KLHL13: variants seen among roughly 807,000 people sequenced by gnomAD.
The protein encoded by KLHL13 is kelch like family member 13, also known as kelch-like protein 13.
KLHL13 carries 10 observed loss-of-function variants against 37.1 expected under a neutral mutation model. That is an observed-to-expected ratio of 0.27 (90% CI 0.17 to 0.46). KLHL13 has a LOEUF of 0.46. Among genes scored for constraint, KLHL13 ranks in the 20% least tolerant of loss-of-function variants. The pLI is 1.00. For missense variants in KLHL13, 360 were observed against 509.3 expected, an observed-to-expected ratio of 0.71 and a Z score of 2.82; for synonymous variants, 163 against 181.2, an observed-to-expected ratio of 0.90 and a Z score of 0.81.
chrX:118,112,004 T>C (rs753223292), intron 1 of KLHL13, among the ~76,000 whole-genome samples: 1 of 112,093 alleles, frequency 8.9e-6, no homozygotes, highest in Non-Finnish European at 1.9e-5. Context: ...TTTTTACATA[T>C]GAGATAACTG....
chrX:118,108,952 G>A (rs1443217500), intron 1 of KLHL13, among the ~76,000 whole-genome samples: 6 of 111,474 alleles, frequency 5.4e-5, no homozygotes, highest in Non-Finnish European at 7.5e-5. Context: ...GACTATAGGC[G>A]TGTGCCTCCA....
At chrX:117,954,525 A>C (rs1933805262) in intron 1 of KLHL13, among the ~76,000 whole-genome samples, 1 of 112,550 alleles carries the variant, frequency 8.9e-6, no homozygotes, top group Admixed American at 9.5e-5. Context: ...TTTCTAATGA[A>C]GTAATTTAAA....
chrX:118,065,645 G>A (rs1013668677), intron 1 of KLHL13, among the ~76,000 whole-genome samples: 8 of 111,607 alleles, frequency 7.2e-5, no homozygotes, highest in African/African-American at 2.6e-4. Flanking sequence ...CAGAGCCAAC[G>A]TAGCCTGGAA....
At chrX:118,004,245 T>C (rs1305208029) in intron 1 of KLHL13, among the ~76,000 whole-genome samples, 1 of 111,998 alleles carries the variant, frequency 8.9e-6, no homozygotes, top group Non-Finnish European at 1.9e-5. Flanking sequence ...TATAAACATA[T>C]ATGTATAAAT....
intron 1 of KLHL13, among the ~76,000 whole-genome samples, chrX:118,114,110 A>G (rs911569414): frequency 8.9e-6 from 1 of 112,572 alleles, no homozygotes; most frequent in African/African-American, 3.2e-5. Context: ...CATCGGTTTC[A>G]ATCAGTGGAT....
At chrX:118,014,499 C>A (rs1247890190) in intron 1 of KLHL13, among the ~76,000 whole-genome samples, 1 of 112,027 alleles carries the variant, frequency 8.9e-6, no homozygotes, top group Non-Finnish European at 1.9e-5. Context: ...CACAGACCCT[C>A]ATCAGTATTC....
chrX:118,103,869 C>A (rs1412673141), intron 1 of KLHL13, among the ~76,000 whole-genome samples: 1 of 108,667 alleles, frequency 9.2e-6, no homozygotes. Context: ...TTTTTTAATT[C>A]CAGTTATTTC....
chrX:117,977,225 C>T (rs2053606300), upstream of KLHL13, among the ~76,000 whole-genome samples: 1 of 111,706 alleles, frequency 9.0e-6, no homozygotes, highest in Admixed American at 9.6e-5. Context: ...GAGAAAAACA[C>T]CATAAAAGAA....
intron 1 of KLHL13, among the ~76,000 whole-genome samples, chrX:118,053,346 T>G (rs1013843571): frequency 1.8e-5 from 2 of 111,601 alleles, no homozygotes; most frequent in African/African-American, 6.5e-5. Context: ...TGTAGGAACA[T>G]GGATGAAACT....
chrX:117,957,882 CA>C (rs1330958226), intron 1 of KLHL13, among the ~76,000 whole-genome samples: 14 of 111,424 alleles, frequency 1.3e-4, no homozygotes, highest in Non-Finnish European at 1.1e-4. Flanking sequence ...AAAAATAAGT[CA>C]AATAACTCTT....
At chrX:117,970,877 G>C (rs1198988263) in intron 1 of KLHL13, among the ~76,000 whole-genome samples, 1 of 111,495 alleles carries the variant, frequency 9.0e-6, no homozygotes, top group Non-Finnish European at 1.9e-5. Context: ...TGTCAAAATA[G>C]TCTGTTACAA....
intron 1 of KLHL13, chrX:117,985,466 C>A: frequency 4.5e-5 from 23 of 508,311 alleles, no homozygotes; most frequent in Non-Finnish European, 5.9e-5. Context: ...AAAAAAAAAC[C>A]TATGTACTGC....
At chrX:117,933,069 A>AT (rs113938136) in intron 2 of KLHL13, among the ~76,000 whole-genome samples, 2,899 of 102,948 alleles carry the variant, frequency 0.028, 94 homozygotes, top group African/African-American at 0.085. Context: ...TGGATAATTT[A>AT]TTTTTTTTTT....
intron 1 of KLHL13, among the ~76,000 whole-genome samples, chrX:118,097,951 C>G (rs184997885): frequency 4.5e-5 from 5 of 111,215 alleles, no homozygotes; most frequent in South Asian, 7.5e-4. Context: ...AAGACTTAAA[C>G]GTTAGACCTA....
intron 1 of KLHL13, among the ~76,000 whole-genome samples, chrX:118,010,763 C>T (rs1271792278): frequency 9.1e-6 from 1 of 110,269 alleles, no homozygotes; most frequent in African/African-American, 3.3e-5. Context: ...AGAGTCAATG[C>T]TAGGGGAGCC....
chrX:117,910,597 C>A (rs1930919083), intron 4 of KLHL13, among the ~76,000 whole-genome samples: 1 of 111,699 alleles, frequency 9.0e-6, no homozygotes, highest in African/African-American at 3.3e-5. Flanking sequence ...CGTAAATAGG[C>A]ATCACTCATT....
At chrX:117,982,295 T>G (rs760924118) in intron 1 of KLHL13, among the ~76,000 whole-genome samples, 1 of 111,510 alleles carries the variant, frequency 9.0e-6, no homozygotes, top group Non-Finnish European at 1.9e-5. Context: ...TATTAAAATA[T>G]CAAAACTCAC....
At chrX:117,942,652 C>T (rs757246924) in intron 2 of KLHL13, among the ~76,000 whole-genome samples, 11 of 110,563 alleles carry the variant, frequency 9.9e-5, no homozygotes, top group Non-Finnish European at 1.7e-4. Flanking sequence ...GATTGCAACC[C>T]CTGCTTGTTT....
intron 1 of KLHL13, among the ~76,000 whole-genome samples, chrX:117,996,235 C>T (rs925033639): frequency 3.6e-5 from 4 of 112,073 alleles, no homozygotes; most frequent in Non-Finnish European, 7.5e-5. Context: ...ATACTTTCAT[C>T]AAATTTGTGT....
Sources: allele counts gnomAD v4.1 joint callset (sites outside exome capture counted in the v4.1 genomes callset), GRCh38; gene constraint gnomAD v4.1.1; transcripts MANE v1.5; gene names NCBI Gene and HGNC (gene_info 2026-07-23, HGNC 2026-07-21).